Variants in LINC01488 observed in about 807,000 individuals in gnomAD.
LINC01488 encodes CCND1-upstream intergenic DNA repair 1.
At chr11:69,492,165 A>G (rs1258658888) in exon 4 of LINC01488, 1 of 152,296 alleles carries the variant, frequency 6.6e-6, no homozygotes, top group Non-Finnish European at 1.5e-5. Flanking sequence ...CAGGAGGCCA[A>G]CGAGGAGTTG....
intron 3 of LINC01488, chr11:69,491,627 T>A (rs654829): frequency 0.69 from 104,919 of 152,378 alleles, 36,379 homozygotes; most frequent in African/African-American, 0.77. Flanking sequence ...ATGCTAGCCC[T>A]GTGTTCTGTA....
chr11:69,483,569 C>T (rs1176194627), intron 1 of LINC01488, among the ~76,000 whole-genome samples: 2 of 152,126 alleles, frequency 1.3e-5, no homozygotes, highest in African/African-American at 2.4e-5. Flanking sequence ...AGAACAGCGT[C>T]GGGACTTGTC....
chr11:69,483,443 T>A (rs1430830213), intron 1 of LINC01488, among the ~76,000 whole-genome samples: 3 of 152,212 alleles, frequency 2.0e-5, no homozygotes, highest in Admixed American at 1.3e-4. Context: ...TAGGTTTTTA[T>A]GAGGATAAAA....
At chr11:69,489,402 C>A (rs1217694887) in intron 1 of LINC01488, among the ~76,000 whole-genome samples, 1 of 152,238 alleles carries the variant, frequency 6.6e-6, no homozygotes, top group Non-Finnish European at 1.5e-5. Flanking sequence ...CCAACATGGG[C>A]TGAGAGGGGG....
At chr11:69,486,294 G>T (rs929002448) in intron 1 of LINC01488, among the ~76,000 whole-genome samples, 6 of 151,820 alleles carry the variant, frequency 4.0e-5, no homozygotes, top group Admixed American at 3.9e-4. Flanking sequence ...TGCCCCACTC[G>T]GACCATCTCA....
At chr11:69,489,855 C>T (rs866333151) in intron 1 of LINC01488, among the ~76,000 whole-genome samples, 19 of 152,200 alleles carry the variant, frequency 1.2e-4, no homozygotes, top group African/African-American at 4.1e-4. Context: ...CTCTGTAGCC[C>T]CATCCCGACA....
chr11:69,490,083 C>T (rs1434305500), intron 1 of LINC01488, among the ~76,000 whole-genome samples: 2 of 152,262 alleles, frequency 1.3e-5, no homozygotes, highest in African/African-American at 4.8e-5. Context: ...GCCCTTGGTC[C>T]CTCAACACCC....
At chr11:69,483,049 G>A (rs1331975819) in intron 1 of LINC01488, among the ~76,000 whole-genome samples, 1 of 152,180 alleles carries the variant, frequency 6.6e-6, no homozygotes, top group African/African-American at 2.4e-5. Context: ...GAATTGTGGG[G>A]GGATGTGATT....
At chr11:69,485,688 C>G (rs372187084) in intron 1 of LINC01488, 2 of 152,326 alleles carry the variant, frequency 1.3e-5, no homozygotes, top group South Asian at 2.1e-4. Context: ...GCAATGCTGA[C>G]CCCTCTGCCT....
intron 1 of LINC01488, among the ~76,000 whole-genome samples, chr11:69,488,728 C>A (rs561759736): frequency 6.6e-6 from 1 of 152,224 alleles, no homozygotes; most frequent in African/African-American, 2.4e-5. Context: ...AGGAGCCAGG[C>A]CTTCCAGTCT....
chr11:69,488,809 C>T (rs760140189), intron 1 of LINC01488, among the ~76,000 whole-genome samples: 23 of 152,140 alleles, frequency 1.5e-4, no homozygotes, highest in Non-Finnish European at 2.6e-4. Context: ...AGCAAAGGGC[C>T]GATTTGAGTG....
intron 1 of LINC01488, among the ~76,000 whole-genome samples, chr11:69,486,827 C>T (rs547108171): frequency 1.3e-5 from 2 of 152,150 alleles, no homozygotes; most frequent in Non-Finnish European, 2.9e-5. Context: ...GGCTGCCTGG[C>T]TGTGTTGCTG....
chr11:69,484,961 C>G (rs1192603854), intron 1 of LINC01488, among the ~76,000 whole-genome samples: 2 of 152,216 alleles, frequency 1.3e-5, no homozygotes. Context: ...CTGGTCTTAT[C>G]TGCTACTGCT....
chr11:69,482,928 T>G (rs1857062682), intron 1 of LINC01488, among the ~76,000 whole-genome samples: 1 of 152,194 alleles, frequency 6.6e-6, no homozygotes, highest in Non-Finnish European at 1.5e-5. Context: ...CCAGTCATAT[T>G]GAATGAGGAC....
chr11:69,491,860 T>G (rs1857227625), intron 3 of LINC01488: 1 of 152,376 alleles, frequency 6.6e-6, no homozygotes, highest in Non-Finnish European at 1.5e-5. Flanking sequence ...TGATGCAGAG[T>G]AGAGCGGGGA....
chr11:69,485,124 G>A (rs754268633), intron 1 of LINC01488, among the ~76,000 whole-genome samples: 14 of 152,324 alleles, frequency 9.2e-5, no homozygotes, highest in Middle Eastern at 3.4e-3. Context: ...AGATCCTCCA[G>A]GTCAGGTGCT....
intron 1 of LINC01488, chr11:69,487,902 C>T (rs1290596375): frequency 6.6e-6 from 1 of 152,368 alleles, no homozygotes; most frequent in Non-Finnish European, 1.5e-5. Context: ...CTCCCAGGTC[C>T]CTACACGGGT....
rs1205700048 is a variant in LINC01488, at chr11:69,488,703, A to G, written n.123-1792A>G. On this transcript the variant is annotated intron_variant and non_coding_transcript_variant, in intron 1 of 3. Coordinates refer to ENST00000644563, the Ensembl canonical transcript of LINC01488. ...GGACACACAGCTCATGGGTGCAGAC[A>G]CACAGTGGCTGCCCAGGAGCCAGGC... Among the ~76,000 whole-genome samples the G allele has an allele frequency of 2.0e-5, 3 of 152,330 alleles. No individual in the cohort carries two copies. In the East Asian group the frequency reaches 5.8e-4, roughly 29 times the overall value.
intron 1 of LINC01488, among the ~76,000 whole-genome samples, chr11:69,487,581 G>A (rs1857145478): frequency 6.6e-6 from 1 of 152,212 alleles, no homozygotes; most frequent in African/African-American, 2.4e-5. Flanking sequence ...TTGGGGTCCT[G>A]TTCCCCGTCG....
Sources: gnomAD v4.1 joint callset for allele counts (sites outside exome capture counted in the v4.1 genomes callset) on GRCh38, gnomAD v4.1.1 for gene constraint, MANE v1.5 for transcripts, NCBI Gene and HGNC (gene_info 2026-07-23, HGNC 2026-07-21) for gene names.